Variants in PABPC1 observed in about 807,000 individuals in gnomAD.
PABPC1 encodes polyadenylate-binding protein 1.
A neutral mutation model predicts 74.0 loss-of-function variants in PABPC1; 4 were observed. That is an observed-to-expected ratio of 0.05 (90% CI 0.03 to 0.12). The LOEUF (loss-of-function observed/expected upper bound fraction) is 0.12. Among genes scored for constraint, PABPC1 ranks in the 10% least tolerant of loss-of-function variants. The pLI, the probability that PABPC1 is intolerant of heterozygous loss-of-function variation, is 1.00. For synonymous variants in PABPC1, 227 were observed against 264.1 expected (o/e 0.86, Z 1.36); for missense variants, 271 against 821.1 (o/e 0.33, Z 8.19).
Position 100,703,191 on chromosome 8 carries a change from T to C in PABPC1, c.*170A>G, listed in dbSNP as rs370019888. The C allele has an allele frequency of 4.2e-5, 7 of 167,138 alleles. No homozygotes were observed. The East Asian group carries it at 5.8e-4, about 14-fold the overall frequency. The allele number at this position is 167,138 out of a possible 1,614,324, so 10.4% of individuals were successfully genotyped here. ...AATAAGTAATCTAGGACTAGCATTA[T>C]GTTTGCTAGACCTGGCATTTGCTCG... On this transcript the variant is annotated 3_prime_UTR_variant, in exon 15 of 15. Coordinates refer to ENST00000318607, the MANE Select transcript of PABPC1 (RefSeq NM_002568.4).
chr8:100,705,176 T>G (rs555937405), intron 12 of PABPC1, 120 bp from the exon 13 acceptor site: 7 of 749,908 alleles, frequency 9.3e-6, no homozygotes, highest in African/African-American at 3.5e-5. Context: ...TAATAACCCA[T>G]AATCCACAAT....
chr8:100,721,731 A>AACGGCCGCAGAACGGGGTCGATCC lies in PABPC1; in HGVS notation c.-172_-149dup. On this transcript the variant is annotated 5_prime_UTR_variant, in exon 1 of 15. Coordinates refer to ENST00000318607, the MANE Select transcript of PABPC1 (RefSeq NM_002568.4). This position sits in a 1 kb window ranked among gnomAD's most constrained non-coding sequence, Gnocchi z 7.4. ...AATCAACCGGAATTGAAAACTACTCAACGGCCGCAGAACGGGGTCGATCCA... is the reference window on the plus strand; with the variant it reads ...AATCAACCGGAATTGAAAACTACTCAACGGCCGCAGAACGGGGTCGATCCACGGCCGCAGAACGGGGTCGATCCA... 2 of 640,926 alleles carry AACGGCCGCAGAACGGGGTCGATCC rather than the reference A, an allele frequency of 3.1e-6. No individual in the cohort carries two copies. The highest frequency in any genetic ancestry group is 5.5e-5 in the South Asian group (2 of 36,300). 39.7% of individuals were successfully genotyped at this position (640,926 alleles called of 1,614,324 possible).
intron 4 of PABPC1, among the ~76,000 whole-genome samples, chr8:100,715,163 A>G (rs970954176): frequency 3.4e-5 from 5 of 145,636 alleles, no homozygotes; most frequent in African/African-American, 8.0e-5. Context: ...ACACACATAT[A>G]TATCTCCAGC....
At position 100,704,385 on chromosome 8, in the gene PABPC1, A is replaced by G. The variant is rs776591809; in HGVS notation, c.1824T>C (p.Asp608=). 6.2e-7 allele frequency: 1 copy of G among 1,613,670 alleles called. No homozygotes were observed. Among genetic ancestry groups the G allele is most frequent in the Non-Finnish European group, 8.5e-7 (1 of 1,179,594 alleles). Residue 608 remains aspartate (D), a synonymous_variant, in exon 14 of 15, where the codon GAT becomes GAC. Transcript: ENST00000318607. ...ESPESLRSKV[D]EAVAVLQAHQ... is the part of the protein sequence containing the mutation. Reference sequence around the variant, plus strand: ...GGGCTTGTAGTACAGCTACAGCTTCATCAACCTAAAAAAGGGGAAAACAGA... The same window carrying G: ...GGGCTTGTAGTACAGCTACAGCTTCGTCAACCTAAAAAAGGGGAAAACAGA...
chr8:100,714,180 T>C (rs3133580), intron 4 of PABPC1, among the ~76,000 whole-genome samples: 27,952 of 152,192 alleles, frequency 0.18, 2,802 homozygotes, highest in East Asian at 0.3. Context: ...ATATGACATA[T>C]TCACATATTT....
In PABPC1 at chr8:100,721,305, GGCCCGCCGGCCTACCCC is replaced by G. The variant is rs1810821857; in HGVS notation, c.193+69_193+85del. On this transcript the variant is annotated intron_variant, in intron 1 of 14. Transcript: ENST00000318607. The surrounding 1 kb of genome is among the most constrained non-coding windows in gnomAD (Gnocchi z 7.4). ...ACATGCCCTCCCGCCCCCCTCCCCG[GGCCCGCCGGCCTACCCC>G]GCCCGCCGCCGCCGCCCGAGCCTCA... 3.2e-6 allele frequency: 2 copies of G among 622,944 alleles called. No homozygotes were observed. The highest frequency in any genetic ancestry group is 2.1e-6 in the Non-Finnish European group (1 of 476,596). 38.6% of individuals were successfully genotyped at this position (622,944 alleles called of 1,614,324 possible).
At chr8:100,710,661 G>A (rs912990323) in intron 7 of PABPC1, among the ~76,000 whole-genome samples, 1 of 152,202 alleles carries the variant, frequency 6.6e-6, no homozygotes, top group African/African-American at 2.4e-5. Context: ...GGTCTATAAA[G>A]TGGAAAATTC....
chr8:100,709,254 A>G, intron 8 of PABPC1, 31 bp from the exon 9 acceptor site: 8 of 1,594,426 alleles, frequency 5.0e-6, no homozygotes, highest in Non-Finnish European at 6.9e-6. Context: ...TGAGTTTATC[A>G]GTTGAAGAAA....
chr8:100,712,275 G>T, intron 7 of PABPC1, 87 bp downstream of exon 7: 1 of 748,336 alleles, frequency 1.3e-6, no homozygotes, highest in Non-Finnish European at 2.2e-6. Context: ...CTCTCTAGTG[G>T]CTATAATAAT....
chr8:100,716,741 A>G (rs183990752), intron 3 of PABPC1, among the ~76,000 whole-genome samples: 55 of 152,308 alleles, frequency 3.6e-4, no homozygotes, highest in African/African-American at 1.3e-3. Flanking sequence ...GGAGTGTAAT[A>G]GCTGTTCACA....
Position 100,704,916 on chromosome 8 carries a change from T to C in PABPC1, c.1818+10A>G. ...TGTAAGAGGCAACTTGGTAAATAAA[T>C]TTAAATCACCTTAGAACGGAGTGAC... is the stretch of plus-strand genomic sequence containing the variant. On this transcript the variant is annotated intron_variant, in intron 13 of 14. Transcript: ENST00000318607. 6.2e-7 allele frequency: 1 copy of C among 1,607,862 alleles called. No homozygotes were observed. The highest frequency in any genetic ancestry group is 8.5e-7 in the Non-Finnish European group (1 of 1,177,280).
chr8:100,705,177 A>G, intron 12 of PABPC1, 121 bp from the exon 13 acceptor site: 1 of 752,188 alleles, frequency 1.3e-6, no homozygotes. Flanking sequence ...AATAACCCAT[A>G]ATCCACAATT....
chr8:100,707,043 G>A (rs1810398611), intron 9 of PABPC1, 46 bp from the exon 10 acceptor site: 1 of 1,359,876 alleles, frequency 7.4e-7, no homozygotes, highest in African/African-American at 1.4e-5. Flanking sequence ...AAAACTTACT[G>A]AGTGAAAAGT....
In PABPC1 at chr8:100,721,713, C is replaced by G. The variant is rs896451153; in HGVS notation, c.-130G>C. The G allele has an allele frequency of 8.8e-6, 7 of 791,486 alleles. No individual in the cohort carries two copies. Among genetic ancestry groups the G allele is most frequent in the Non-Finnish European group, 1.3e-5 (7 of 537,352 alleles). 49.0% of individuals were successfully genotyped at this position (791,486 alleles called of 1,614,324 possible). A position where few individuals can be genotyped will look rare whatever the true frequency, so the allele number is the denominator to read the frequency against. On this transcript the variant is annotated 5_prime_UTR_variant, in exon 1 of 15. Coordinates refer to ENST00000318607, the MANE Select transcript of PABPC1 (RefSeq NM_002568.4). This position sits in a 1 kb window ranked among gnomAD's most constrained non-coding sequence, Gnocchi z 7.4. ...CAAGCGCAGAGGGACAAAAATCAAC[C>G]GGAATTGAAAACTACTCAACGGCCG...
Position 100,712,975 on chromosome 8 carries a change from A to G in PABPC1, c.738+112T>C, listed in dbSNP as rs1376535093. On this transcript the variant is annotated intron_variant, in intron 5 of 14. Transcript: ENST00000318607. Reference sequence around the variant, plus strand: ...CTCAAACCTAATGCATAAAATGCAAATAACTGAAAATATAAGAACATGTCA... The same window carrying G: ...CTCAAACCTAATGCATAAAATGCAAGTAACTGAAAATATAAGAACATGTCA... 5.8e-6 allele frequency: 6 copies of G among 1,027,466 alleles called. No homozygotes were observed. The Admixed American group carries it at 8.8e-5, about 15-fold the overall frequency. 63.6% of individuals were successfully genotyped at this position (1,027,466 alleles called of 1,614,324 possible). A position where few individuals can be genotyped will look rare whatever the true frequency, so the allele number is the denominator to read the frequency against.
chr8:100,709,912 A>C (rs944126291), intron 7 of PABPC1, 181 bp from the exon 8 acceptor site: 2 of 641,746 alleles, frequency 3.1e-6, no homozygotes, highest in Admixed American at 5.9e-5. Context: ...ATTAAGGGCA[A>C]ACTACACATA....
At chr8:100,713,202 A>T in intron 4 of PABPC1, 21 bp from the exon 5 acceptor site, 3 of 1,360,980 alleles carry the variant, frequency 2.2e-6, no homozygotes, top group South Asian at 1.3e-5. Flanking sequence ...TTTTTACATA[A>T]ATCAAAGATA....
In PABPC1 at chr8:100,718,041, T is replaced by C. The variant is rs375486997; in HGVS notation, c.387+46A>G. 2.4e-4 allele frequency: 366 copies of C among 1,533,646 alleles called. 1 individual carries two copies. Among genetic ancestry groups the C allele is most frequent in the East Asian group, 1.6e-4 (7 of 44,462 alleles). On this transcript the variant is annotated intron_variant, in intron 2 of 14. Transcript: ENST00000318607. ...TTCCTATTTCAAGCACTAAACTAAA[T>C]GTAGCTCAACAATGTAAACATGTGT...
intron 1 of PABPC1, among the ~76,000 whole-genome samples, chr8:100,718,932 T>C (rs1174573375): frequency 7.7e-6 from 1 of 130,182 alleles, no homozygotes; most frequent in African/African-American, 2.5e-5. Flanking sequence ...ACATATTTGG[T>C]TTCATAATCA....
Sources: gnomAD v4.1 joint callset for allele counts (sites outside exome capture counted in the v4.1 genomes callset) on GRCh38, gnomAD v4.1.1 for gene constraint, Gnocchi (gnomAD v3.1) non-coding constraint, MANE v1.5 for transcripts, NCBI Gene and HGNC (gene_info 2026-07-23, HGNC 2026-07-21) for gene names.